Variants in MRPL45 observed in about 807,000 individuals in gnomAD.
The protein encoded by MRPL45 is mitochondrial ribosomal protein L45.
A neutral mutation model predicts 38.1 loss-of-function variants in MRPL45; 20 were observed. The observed-to-expected ratio is 0.53, with a 90% CI of 0.37 to 0.76. The LOEUF (loss-of-function observed/expected upper bound fraction) is 0.76. MRPL45 is among the 30% of genes least tolerant of loss of function. The probability of loss-of-function intolerance (pLI) is 0.00; values close to 1 mark genes in which losing one functional copy is unlikely to be tolerated. For missense variants in MRPL45, 337 were observed against 395.6 expected (o/e 0.85, Z 1.26); for synonymous variants, 105 against 128.8 (o/e 0.82, Z 1.25).
intron 4 of MRPL45, among the ~76,000 whole-genome samples, chr17:38,312,792 G>A (rs2037124977): frequency 6.6e-6 from 1 of 151,438 alleles, no homozygotes; most frequent in South Asian, 2.1e-4. Flanking sequence ...GCTGTGGTGA[G>A]CTATGATTGT....
intron 3 of MRPL45, among the ~76,000 whole-genome samples, chr17:38,305,446 G>A (rs1234707746): frequency 2.1e-5 from 3 of 145,662 alleles, no homozygotes; most frequent in African/African-American, 5.1e-5. Context: ...CAGCCTGTGC[G>A]ACGGAGTGCG....
At chr17:38,310,584 C>G (rs1055593486) in intron 4 of MRPL45, among the ~76,000 whole-genome samples, 1 of 152,020 alleles carries the variant, frequency 6.6e-6, no homozygotes, top group African/African-American at 2.4e-5. Context: ...CTGCCTCAGC[C>G]TCCCAAAGTG....
chr17:38,316,010 G>C (rs2037169659), intron 4 of MRPL45, among the ~76,000 whole-genome samples: 1 of 151,940 alleles, frequency 6.6e-6, no homozygotes, highest in Non-Finnish European at 1.5e-5. Context: ...CCTGACCTCA[G>C]GTGATCCACC....
intron 6 of MRPL45, 113 bp downstream of exon 6, chr17:38,320,880 A>T: frequency 2.0e-6 from 2 of 997,236 alleles, no homozygotes; most frequent in South Asian, 3.0e-5. Context: ...TAAAAGGTAC[A>T]CTGTGATCTG....
At chr17:38,303,290 ATTTT>A (rs776250748) in intron 3 of MRPL45, among the ~76,000 whole-genome samples, 1 of 103,430 alleles carries the variant, frequency 9.7e-6, no homozygotes. Flanking sequence ...AAAACATTAA[ATTTT>A]TTTTTTTTTT....
In MRPL45 at chr17:38,297,301, G is replaced by C. The variant is rs2036946301; in HGVS notation, c.66+52G>C. 5.9e-6 allele frequency: 9 copies of C among 1,535,254 alleles called. No individual in the cohort carries two copies. The Middle Eastern group carries it at 8.4e-4, about 144-fold the overall frequency. On this transcript the variant is annotated intron_variant, in intron 1 of 7. Coordinates refer to ENST00000613675, the MANE Select transcript of MRPL45 (RefSeq NM_032351.6). Reference sequence around the variant, plus strand: ...CCTAGGGGCTACAGGAGAGGACAGAGTCGAGGGAAATACTCTCTGTGCAAT... The same window carrying C: ...CCTAGGGGCTACAGGAGAGGACAGACTCGAGGGAAATACTCTCTGTGCAAT...
chr17:38,302,354 G>A (rs913461411), intron 3 of MRPL45, among the ~76,000 whole-genome samples: 1 of 151,104 alleles, frequency 6.6e-6, no homozygotes, highest in African/African-American at 2.4e-5. Flanking sequence ...AAGCATGGTG[G>A]CACATACCTG....
chr17:38,318,664 A>G, intron 4 of MRPL45, 23 bp from the exon 5 acceptor site: 1 of 1,556,994 alleles, frequency 6.4e-7, no homozygotes, highest in Non-Finnish European at 8.9e-7. Flanking sequence ...ATAGTCAATG[A>G]TATTTATTGC....
chr17:38,307,997 G>A (rs1358358358), intron 4 of MRPL45, among the ~76,000 whole-genome samples: 2 of 151,684 alleles, frequency 1.3e-5, no homozygotes, highest in Admixed American at 6.6e-5. Context: ...CCTCAGCTCC[G>A]GGGCTCAAGC....
intron 4 of MRPL45, among the ~76,000 whole-genome samples, chr17:38,310,577 C>A (rs1191435204): frequency 1.3e-5 from 2 of 152,138 alleles, no homozygotes; most frequent in African/African-American, 2.4e-5. Context: ...GATTCACCTG[C>A]CTCAGCCTCC....
Position 38,322,281 on chromosome 17 carries a change from T to G in MRPL45, c.816T>G (p.Pro272=), listed in dbSNP as rs762317877. The G allele has an allele frequency of 6.2e-7, 1 of 1,614,040 alleles. No homozygotes were observed. The highest frequency in any genetic ancestry group is 8.5e-7 in the Non-Finnish European group (1 of 1,179,986). ...AGATCGTTCCCCCATGGGCACCCCC[T>G]AAGCAGCCCATCCTTAAGGTAAGGT... ...HTKIVPPWAP[P]KQPILKTVMI... is the part of the protein sequence containing the mutation. The change falls in exon 7 of 8, where the codon CCT becomes CCG. Residue 272 remains proline, a synonymous_variant. Transcript: ENST00000613675.
At chr17:38,300,932 GCGAAACTCTGTCT>G (rs1221129821) in intron 3 of MRPL45, among the ~76,000 whole-genome samples, 1 of 152,058 alleles carries the variant, frequency 6.6e-6, no homozygotes, top group Non-Finnish European at 1.5e-5. Flanking sequence ...GGCAACAAGG[GCGAAACTCTGTCT>G]CAAAAAAAAA....
rs112353546 is a variant in MRPL45, at chr17:38,308,859, CT to C, written c.461+2240del. Reference sequence around the variant, plus strand: ...ACTGTTGTTTCTGTTGAGAAATTAACTTTTTTTTTTTTCATTTTGTTAAAGT... The same window carrying C: ...ACTGTTGTTTCTGTTGAGAAATTAACTTTTTTTTTTTCATTTTGTTAAAGT... On this transcript the variant is annotated intron_variant, in intron 4 of 7. Transcript: ENST00000613675. Among the ~76,000 whole-genome samples the C allele has an allele frequency of 6.6e-3, 955 of 144,970 alleles. 10 individuals are homozygous for C. The highest frequency in any genetic ancestry group is 0.02 in the African/African-American group (795 of 39,724).
chr17:38,308,160 G>A (rs886500512), intron 4 of MRPL45, among the ~76,000 whole-genome samples: 4 of 151,734 alleles, frequency 2.6e-5, no homozygotes, highest in African/African-American at 4.8e-5. Flanking sequence ...TTTTTGAGAC[G>A]GAGTCTAGCT....
chr17:38,311,583 G>A (rs955876957), intron 4 of MRPL45, among the ~76,000 whole-genome samples: 6 of 151,670 alleles, frequency 4.0e-5, no homozygotes, highest in African/African-American at 9.7e-5. Context: ...TTACTTGGGA[G>A]GCTGAGGCAA....
chr17:38,311,658 C>T (rs1407698966), intron 4 of MRPL45, among the ~76,000 whole-genome samples: 3 of 146,532 alleles, frequency 2.0e-5, no homozygotes, highest in Admixed American at 7.0e-5. Flanking sequence ...TGCACTCCAG[C>T]CTGGCGACAG....
intron 5 of MRPL45, among the ~76,000 whole-genome samples, chr17:38,320,060 G>C (rs990284344): frequency 1.3e-5 from 2 of 152,138 alleles, no homozygotes; most frequent in African/African-American, 4.8e-5. Flanking sequence ...CCGAGACCGC[G>C]CCACTGTGCT....
In MRPL45 at chr17:38,320,701, C is replaced by T. The variant is rs1179335469; in HGVS notation, c.594C>T (p.Arg198=). 1 of 1,614,086 alleles carries T rather than the reference C, an allele frequency of 6.2e-7. No individual in the cohort carries two copies. The highest frequency in any genetic ancestry group is 2.2e-5 in the East Asian group (1 of 44,902). The change falls in exon 6 of 8, where the codon CGC becomes CGT. Residue 198 remains arginine, a synonymous_variant. Coordinates refer to ENST00000613675, the MANE Select transcript of MRPL45 (RefSeq NM_032351.6). ...SLEPSHVVQV[R]CSSMMNQGNV... The stretch of plus-strand genomic sequence containing the variant: ...AGCCCTCTCATGTTGTTCAAGTTCG[C>T]TGTTCAAGTATGATGAACCAGGGCA...
chr17:38,303,338 C>G (rs1392700437), intron 3 of MRPL45, among the ~76,000 whole-genome samples: 1 of 135,344 alleles, frequency 7.4e-6, no homozygotes, highest in Non-Finnish European at 1.5e-5. Flanking sequence ...CACTCTGTTG[C>G]CCAGGCTGGA....
Sources: gnomAD v4.1 joint callset for allele counts (sites outside exome capture counted in the v4.1 genomes callset) on GRCh38, gnomAD v4.1.1 for gene constraint, MANE v1.5 for transcripts, NCBI Gene and HGNC (gene_info 2026-07-23, HGNC 2026-07-21) for gene names.